The following ADGRV1 variants were observed in gnomAD, a reference collection of about 807,000 sequenced individuals.
ADGRV1 encodes adhesion G protein-coupled receptor V1.
A neutral mutation model predicts 596.2 loss-of-function variants in ADGRV1; 359 were observed. The ratio of observed to expected loss-of-function variants is 0.60; its 90% CI spans 0.55 to 0.66. The LOEUF (loss-of-function observed/expected upper bound fraction) is 0.66, where lower values mean the gene tolerates loss of function less well. Among genes scored for constraint, ADGRV1 ranks in the 30% least tolerant of loss-of-function variants. The probability of loss-of-function intolerance (pLI) is 0.00; values close to 1 mark genes in which losing one functional copy is unlikely to be tolerated. For synonymous variants in ADGRV1, 2,681 were observed against 2,679.2 expected (o/e 1.00, Z -0.02); for missense variants, 7,274 against 7,575.6 (o/e 0.96, Z 1.48).
chr5:90,966,834 TTTG>T (rs1778516280), intron 84 of ADGRV1, among the ~76,000 whole-genome samples: 1 of 152,236 alleles, frequency 6.6e-6, no homozygotes, highest in South Asian at 2.1e-4. Context: ...AAATGCTGCC[TTTG>T]GTAATGCATT....
rs555107399 is a variant in ADGRV1 at position 90,703,645 on chromosome 5, T to A, written c.8156-20T>A. 19 of 1,563,604 alleles carry A rather than the reference T, an allele frequency of 1.2e-5. No individual in the cohort carries two copies. The East Asian group carries it at 3.8e-4, about 32-fold the overall frequency. On this transcript the variant is annotated intron_variant, in intron 34 of 89. Coordinates refer to ENST00000405460, the MANE Select transcript of ADGRV1 (RefSeq NM_032119.4). ...TTATTTTCCATTAAGTATTTATCAA[T>A]TTACACATTTTACTTGCAGGAGAAA...
chr5:90,800,986 G>A (rs908424809), intron 70 of ADGRV1, among the ~76,000 whole-genome samples: 3 of 152,036 alleles, frequency 2.0e-5, no homozygotes, highest in African/African-American at 4.8e-5. Flanking sequence ...GGGTTGATGG[G>A]TGCAGCAAAC....
rs1171791582 is a variant in ADGRV1 at position 90,791,028 on chromosome 5, G to A, written c.14199G>A (p.Gln4733=). Residue 4733 remains glutamine (Q), a synonymous_variant, in exon 70 of 90, where the codon CAG becomes CAA. Coordinates refer to ENST00000405460, the MANE Select transcript of ADGRV1 (RefSeq NM_032119.4). Reference sequence around the variant, plus strand: ...AGATAGAGGAAGATTATGTGATCCAGCTTGTTTCTGTAGAGGGAGGAGCCG... The same window carrying A: ...AGATAGAGGAAGATTATGTGATCCAACTTGTTTCTGTAGAGGGAGGAGCCG... The part of the protein sequence containing the change: ...VPEIEEDYVI[Q]LVSVEGGAEL... The A allele has an allele frequency of 1.2e-6, 2 of 1,613,964 alleles. No homozygotes were observed. Among genetic ancestry groups the A allele is most frequent in the Non-Finnish European group, 1.7e-6 (2 of 1,179,880 alleles).
At chr5:90,577,496 A>G (rs1757388429) in intron 1 of ADGRV1, among the ~76,000 whole-genome samples, 2 of 152,208 alleles carry the variant, frequency 1.3e-5, no homozygotes, top group Admixed American at 6.5e-5. Flanking sequence ...TGGTACCAGT[A>G]CCATGCTGTT....
intron 85 of ADGRV1, among the ~76,000 whole-genome samples, chr5:91,000,122 CTGTTTA>C (rs750225156): frequency 2.8e-4 from 43 of 152,104 alleles, no homozygotes; most frequent in Admixed American, 5.2e-4. Context: ...TGATGTGTTT[CTGTTTA>C]TGTCTAGATT....
chr5:90,958,166 C>T (rs1227816069), intron 83 of ADGRV1, among the ~76,000 whole-genome samples: 1 of 149,826 alleles, frequency 6.7e-6, no homozygotes, highest in Non-Finnish European at 1.5e-5. Context: ...GCCTGTAGTC[C>T]CCAGCTACTT....
chr5:90,564,408 TG>T (rs1755267017), intron 1 of ADGRV1, among the ~76,000 whole-genome samples: 1 of 152,086 alleles, frequency 6.6e-6, no homozygotes, highest in African/African-American at 2.4e-5. Flanking sequence ...TAGAGAGGAC[TG>T]GGACTAGCTT....
chr5:90,705,477 C>A lies in ADGRV1; in HGVS notation c.8464C>A (p.Pro2822Thr). ...AVLTVEASDE[P>T]HGVLNFALSS... ...CCTCACAGTAGAAGCCAGTGATGAA[C>A]CACATGGAGTTTTAAATTTTGCTCT... The change falls in exon 37 of 90, where the codon CCA becomes ACA. Residue 2822 changes from proline to threonine, a missense_variant. This residue lies in a region of ADGRV1 where 3,643 missense variants were observed against 3,809.2 expected (regional missense o/e 0.96). Coordinates refer to ENST00000405460, the MANE Select transcript of ADGRV1 (RefSeq NM_032119.4). The A allele has an allele frequency of 6.2e-7, 1 of 1,613,830 alleles. No homozygotes were observed. Among genetic ancestry groups the A allele is most frequent in the Non-Finnish European group, 8.5e-7 (1 of 1,179,748 alleles).
intron 77 of ADGRV1, among the ~76,000 whole-genome samples, chr5:90,834,158 C>A (rs1219613921): frequency 6.6e-6 from 1 of 152,116 alleles, no homozygotes; most frequent in African/African-American, 2.4e-5. Context: ...TCTTTCTACA[C>A]AAGAAATGAG....
rs59043944 is a variant in ADGRV1 at position 90,737,084 on chromosome 5, G to A, written c.10549+7320G>A. ...ATTTTATTTCTTTTTCAATACAGGCGTTTATTGCTGTAAATTTTCCTTTTT... is the reference window on the plus strand; with the variant it reads ...ATTTTATTTCTTTTTCAATACAGGCATTTATTGCTGTAAATTTTCCTTTTT... On this transcript the variant is annotated intron_variant, in intron 50 of 89. Transcript: ENST00000405460. Among the ~76,000 whole-genome samples, 973 of 151,440 alleles carry A rather than the reference G, an allele frequency of 6.4e-3. 8 individuals carry two copies. Among genetic ancestry groups the A allele is most frequent in the African/African-American group, 0.022 (924 of 41,368 alleles).
chr5:90,997,580 A>C lies in ADGRV1; in HGVS notation c.18152+12058A>C, dbSNP rs373296697. Among the ~76,000 whole-genome samples the C allele has an allele frequency of 6.6e-5, 10 of 152,328 alleles. No individual in the cohort carries two copies. The East Asian group carries it at 1.4e-3, about 21-fold the overall frequency. ...TGAGAATAGACTAACACAACTTCAT[A>C]TCTAGAATACCCAGGTACTGAAATA... is the stretch of plus-strand genomic sequence containing the variant. On this transcript the variant is annotated intron_variant, in intron 85 of 89. Coordinates refer to ENST00000405460, the MANE Select transcript of ADGRV1 (RefSeq NM_032119.4).
chr5:91,130,497 G>A, intron 87 of ADGRV1, among the ~76,000 whole-genome samples: 1 of 147,650 alleles, frequency 6.8e-6, no homozygotes, highest in Admixed American at 6.8e-5. Flanking sequence ...ACTCCAGCCT[G>A]GGTGACAAGA....
chr5:90,889,213 C>A (rs555645075), intron 83 of ADGRV1, among the ~76,000 whole-genome samples: 2 of 152,086 alleles, frequency 1.3e-5, no homozygotes, highest in African/African-American at 4.8e-5. Context: ...TAGCCATGTG[C>A]GTCAGTGCTC....
intron 1 of ADGRV1, among the ~76,000 whole-genome samples, chr5:90,559,666 A>G (rs1355996646): frequency 6.6e-6 from 1 of 152,126 alleles, no homozygotes; most frequent in Admixed American, 6.5e-5. Context: ...AATGTGTGTA[A>G]TGTATTTACT....
chr5:91,104,440 A>G (rs1791668795), intron 87 of ADGRV1, among the ~76,000 whole-genome samples: 1 of 152,250 alleles, frequency 6.6e-6, no homozygotes. Flanking sequence ...TGTGTTGGGA[A>G]GTTTCAATAT....
At chr5:90,664,869 A>G (rs1283984250) in intron 21 of ADGRV1, among the ~76,000 whole-genome samples, 1 of 150,438 alleles carries the variant, frequency 6.6e-6, no homozygotes, top group Non-Finnish European at 1.5e-5. Flanking sequence ...CTATTGAGAT[A>G]ATCATGTGGT....
intron 85 of ADGRV1, among the ~76,000 whole-genome samples, chr5:90,990,324 A>G (rs189365765): frequency 3.3e-4 from 50 of 152,284 alleles, no homozygotes; most frequent in Admixed American, 2.4e-3. Context: ...AGATTGTACT[A>G]ATTATACTAT....
intron 83 of ADGRV1, among the ~76,000 whole-genome samples, chr5:90,904,476 CTCACTGTAGT>C (rs1772137213): frequency 6.6e-6 from 1 of 152,098 alleles, no homozygotes; most frequent in African/African-American, 2.4e-5. Context: ...GAGCTGATAT[CTCACTGTAGT>C]TTTGATTTGC....
At chr5:90,883,406 A>G (rs946298828) in intron 83 of ADGRV1, among the ~76,000 whole-genome samples, 1 of 152,180 alleles carries the variant, frequency 6.6e-6, no homozygotes, top group Non-Finnish European at 1.5e-5. Context: ...TAGTAGGTAT[A>G]AAATCCAGTA....
Sources: allele counts gnomAD v4.1 joint callset (sites outside exome capture counted in the v4.1 genomes callset), GRCh38; gene constraint gnomAD v4.1.1; regional missense constraint gnomAD v4.1.1; transcripts MANE v1.5; gene names NCBI Gene and HGNC (gene_info 2026-07-23, HGNC 2026-07-21).